The following POLRMT variants were observed in gnomAD, a reference collection of about 807,000 sequenced individuals.
POLRMT encodes DNA-directed RNA polymerase, mitochondrial.
POLRMT carries 114 observed loss-of-function variants against 132.2 expected under a neutral mutation model. The observed-to-expected ratio is 0.86, with a 90% CI of 0.74 to 1.01. The LOEUF is 1.01. Among genes scored for constraint, POLRMT ranks in the 50% least tolerant of loss-of-function variants. POLRMT has a pLI of 0.00. For synonymous variants in POLRMT, 1,020 were observed against 773.4 expected (o/e 1.32, Z -5.29); for missense variants, 2,003 against 1,729.1 (o/e 1.16, Z -2.81).
intron 1 of POLRMT, 61 bp downstream of exon 1, chr19:633,364 C>A (rs1482700881): frequency 4.2e-6 from 6 of 1,416,888 alleles, no homozygotes; most frequent in Non-Finnish European, 5.6e-6. Context: ...AGGCCCCGGC[C>A]GCGCGGGGAG....
chr19:629,912 G>A lies in POLRMT; in HGVS notation c.450C>T (p.Ser150=), dbSNP rs373729974. ...GCCTGGTCAGCGCCTTGAACTCCCC[G>A]CTCTGGAATGGCATCTGCAGCTTCG... ...LKAKLQMPFQ[S]GEFKALTRRL... Residue 150 remains serine, a synonymous_variant, in exon 3 of 21, where the codon AGC becomes AGT. Transcript: ENST00000588649. The A allele has an allele frequency of 1.1e-5, 18 of 1,613,400 alleles. No homozygotes were observed. The South Asian group carries it at 1.3e-4, about 12-fold the overall frequency.
At chr19:618,019 G>C (rs946744185) in intron 17 of POLRMT, 170 bp from the exon 18 acceptor site, 1 of 640,048 alleles carries the variant, frequency 1.6e-6, no homozygotes, top group African/African-American at 1.8e-5. Flanking sequence ...CCTGGGTTAG[G>C]TATCAGTACA....
Position 620,922 on chromosome 19 carries a change from CA to C in POLRMT, c.2640+135del, listed in dbSNP as rs1984499488. Reference sequence around the variant, plus strand: ...AGGGGGAGGGGAGGAGGAAGACGGGCAGGGGGCGCCAGGGGAGGGGGAGGGG... The same window carrying C: ...AGGGGGAGGGGAGGAGGAAGACGGGCGGGGGCGCCAGGGGAGGGGGAGGGG... On this transcript the variant is annotated intron_variant, in intron 10 of 20. Coordinates refer to ENST00000588649, the MANE Select transcript of POLRMT (RefSeq NM_005035.4). The C allele has an allele frequency of 1.1e-4, 12 of 112,306 alleles. 3 individuals carry two copies. The highest frequency in any genetic ancestry group is 6.7e-4 in the South Asian group (3 of 4,452). The allele number at this position is 112,306 out of a possible 1,614,324, so 7.0% of individuals were successfully genotyped here.
Position 625,128 on chromosome 19 carries a change from C to G in POLRMT, c.949G>C (p.Glu317Gln). 2 of 1,612,386 alleles carry G rather than the reference C, an allele frequency of 1.2e-6. No individual in the cohort carries two copies. The highest frequency in any genetic ancestry group is 2.7e-5 in the African/African-American group (2 of 75,006). Residue 317 changes from glutamate to glutamine, a missense_variant, in exon 4 of 21, where the codon GAA becomes CAA. Physicochemically the swap from Glu to Gln is conservative, Grantham distance 29. Coordinates refer to ENST00000588649, the MANE Select transcript of POLRMT (RefSeq NM_005035.4). ...GRQDQDAGTI[E>Q]RCLEQMSQEG... ...GGCCCTCCCGACACCACCTACCTTT[C>G]GATGGTCCCGGCGTCCTGGTCCTGC... is the stretch of plus-strand genomic sequence containing the variant.
Position 621,496 on chromosome 19 carries a change from C to G in POLRMT, c.2202G>C (p.Pro734=). The change falls in exon 10 of 21, where the codon CCG becomes CCC. Residue 734 remains proline (P), a synonymous_variant. Coordinates refer to ENST00000588649, the MANE Select transcript of POLRMT (RefSeq NM_005035.4). ...KGCPQLGVPA[P]PSEAPQPPEA... ...CGGGCGGCTGGGGCGCCTCGGAGGGCGGGGCCGGCACGCCTAGCTGGGGGC... is the reference window on the plus strand; with the variant it reads ...CGGGCGGCTGGGGCGCCTCGGAGGGGGGGGCCGGCACGCCTAGCTGGGGGC... 1 of 1,374,898 alleles carries G rather than the reference C, an allele frequency of 7.3e-7. No homozygotes were observed. Among genetic ancestry groups the G allele is most frequent in the Non-Finnish European group, 9.3e-7 (1 of 1,072,808 alleles). 85.2% of individuals were successfully genotyped at this position (1,374,898 alleles called of 1,614,324 possible). A position where few individuals can be genotyped will look rare whatever the true frequency, so the allele number is the denominator to read the frequency against.
chr19:620,822 G>A (rs1284175772), intron 10 of POLRMT, among the ~76,000 whole-genome samples: 1 of 119,066 alleles, frequency 8.4e-6, no homozygotes, highest in East Asian at 2.4e-4. Context: ...CCCTGGGGCA[G>A]GGGAGAAGGG....
intron 19 of POLRMT, 45 bp from the exon 20 acceptor site, chr19:617,525 G>A: frequency 1.2e-6 from 2 of 1,608,638 alleles, no homozygotes; most frequent in Admixed American, 1.7e-5. Context: ...CCAGGTTTTG[G>A]GGTGGGGGGG....
chr19:631,248 A>C (rs1985391931), intron 2 of POLRMT, among the ~76,000 whole-genome samples: 1 of 150,126 alleles, frequency 6.7e-6, no homozygotes, highest in African/African-American at 2.4e-5. Flanking sequence ...GAATCACCTA[A>C]GCCTAGGAGT....
Position 629,521 on chromosome 19 carries a change from G to C in POLRMT, c.822+19C>G, listed in dbSNP as rs779510828. 1 of 1,489,246 alleles carries C rather than the reference G, an allele frequency of 6.7e-7. No homozygotes were observed. The highest frequency in any genetic ancestry group is 8.9e-7 in the Non-Finnish European group (1 of 1,121,170). 92.3% of individuals were successfully genotyped at this position (1,489,246 alleles called of 1,614,324 possible). A position where few individuals can be genotyped will look rare whatever the true frequency, so the allele number is the denominator to read the frequency against. The stretch of plus-strand genomic sequence containing the variant: ...CTCCAACGACCAGGGCAGGTGGCCC[G>C]GCTCCCGGCTGCACTCACCTGCCGC... On this transcript the variant is annotated intron_variant, in intron 3 of 20. Coordinates refer to ENST00000588649, the MANE Select transcript of POLRMT (RefSeq NM_005035.4).
intron 17 of POLRMT, 137 bp downstream of exon 17, chr19:618,351 A>G: frequency 1.5e-6 from 1 of 689,238 alleles, no homozygotes; most frequent in Non-Finnish European, 2.4e-6. Flanking sequence ...GGGCCTCTAC[A>G]CAGGCCCCAC....
At position 619,003 on chromosome 19, in the gene POLRMT, C is replaced by T. The variant is rs757164771; in HGVS notation, c.3261G>A (p.Lys1087=). The T allele has an allele frequency of 3.2e-6, 5 of 1,582,474 alleles. No individual in the cohort carries two copies. The highest frequency in any genetic ancestry group is 2.0e-4 in the Middle Eastern group (1 of 4,944). ...GATGGGGTGGTACACTGACCTTGAC[C>T]TTGGAGTCCAGGCGATAGGGCTGGA... ...PVIQPYRLDS[K]VKQIGGGIQS... Residue 1087 remains lysine, a synonymous_variant, in exon 15 of 21, where the codon AAG becomes AAA. Transcript: ENST00000588649.
intron 3 of POLRMT, among the ~76,000 whole-genome samples, chr19:627,924 C>CAAAAAA (rs35674455): frequency 9.8e-6 from 1 of 101,858 alleles, no homozygotes; most frequent in East Asian, 3.0e-4. Flanking sequence ...GAGTCTATCT[C>CAAAAAA]AAAAAAAAAA....
chr19:620,938 A>AGGGCGCGGGGGCGCC lies in POLRMT; in HGVS notation c.2640+119_2640+120insGGCGCCCCCGCGCCC, dbSNP rs1984504667. ...GAAGACGGGCAGGGGGCGCCAGGGG[A>AGGGCGCGGGGGCGCC]GGGGGAGGGGAGGAGGAAGACGGGC... On this transcript the variant is annotated intron_variant, in intron 10 of 20. Coordinates refer to ENST00000588649, the MANE Select transcript of POLRMT (RefSeq NM_005035.4). The AGGGCGCGGGGGCGCC allele has an allele frequency of 1.5e-5, 3 of 204,944 alleles. 1 individual carries two copies. The highest frequency in any genetic ancestry group is 2.3e-5 in the Non-Finnish European group (3 of 130,348). The allele number at this position is 204,944 out of a possible 1,614,324, so 12.7% of individuals were successfully genotyped here.
intron 3 of POLRMT, among the ~76,000 whole-genome samples, chr19:628,773 G>C (rs1415582797): frequency 6.6e-6 from 1 of 152,074 alleles, no homozygotes; most frequent in Admixed American, 6.6e-5. Flanking sequence ...GGGAGGCTCA[G>C]GGGGGCAGAT....
At chr19:626,866 G>A (rs954330171) in intron 3 of POLRMT, among the ~76,000 whole-genome samples, 8 of 135,212 alleles carry the variant, frequency 5.9e-5, no homozygotes, top group Non-Finnish European at 9.3e-5. Flanking sequence ...CGACAGACTT[G>A]GAGACTCTGT....
In POLRMT at chr19:629,802, C is replaced by T; in HGVS notation, c.560G>A (p.Trp187Ter). The stretch of plus-strand genomic sequence containing the variant: ...CAGCAGCCGGGCCAGCTGCTCCTCC[C>T]AGGGGCTCTCGGGGGCCTGGCGCGT... Reference protein sequence around the residue: ...DCTRQAPESPWEEQLARLLQE... With the variant: ...DCTRQAPESP The change falls in exon 3 of 21, where the codon TGG (tryptophan) becomes TAG (stop). Residue 187 changes from tryptophan (W) to a stop codon, truncating the protein, a stop_gained. Transcript: ENST00000588649. LOFTEE classifies it high-confidence loss of function. 1 of 1,584,318 alleles carries T rather than the reference C, an allele frequency of 6.3e-7. No individual in the cohort carries two copies.
rs1369435940 is a variant in POLRMT at position 622,310 on chromosome 19, C to T, written c.1690G>A (p.Glu564Lys). The T allele has an allele frequency of 1.9e-6, 3 of 1,565,332 alleles. No individual in the cohort carries two copies. Among genetic ancestry groups the T allele is most frequent in the East Asian group, 4.8e-5 (2 of 42,072 alleles). Residue 564 changes from glutamate to lysine, a missense_variant, in exon 9 of 21, where the codon GAG becomes AAG. Transcript: ENST00000588649. ...TGCACTGGCAGGGGCCAGGGCTGCT[C>T]CCGCAGGGCCTCGGGCGCCCCCAGC... is the stretch of plus-strand genomic sequence containing the variant. ...EELGAPEALR[E>K]QPWPLPVQME...
chr19:633,319 G>T, intron 1 of POLRMT, 106 bp downstream of exon 1: 1 of 1,299,350 alleles, frequency 7.7e-7, no homozygotes, highest in Non-Finnish European at 1.0e-6. Context: ...GGCTGCGCAC[G>T]CCCAGGTGCA....
At chr19:623,406 C>A in intron 6 of POLRMT, 48 bp downstream of exon 6, 2 of 1,595,940 alleles carry the variant, frequency 1.3e-6, no homozygotes, top group Non-Finnish European at 1.7e-6. Flanking sequence ...GACACGCGAC[C>A]CCGGCTCAGC....
Sources: gnomAD v4.1 joint callset for allele counts (sites outside exome capture counted in the v4.1 genomes callset) on GRCh38, gnomAD v4.1.1 for gene constraint, MANE v1.5 for transcripts, NCBI Gene and HGNC (gene_info 2026-07-23, HGNC 2026-07-21) for gene names.